EXOC6: variants seen among roughly 807,000 people sequenced by gnomAD.
EXOC6 encodes the protein exocyst complex component 6.
Under a neutral mutation model 112.5 loss-of-function variants are expected in EXOC6, and 60 were observed. That is an observed-to-expected ratio of 0.53 (90% CI 0.43 to 0.66). The LOEUF (loss-of-function observed/expected upper bound fraction) is 0.66, where lower values mean the gene tolerates loss of function less well. EXOC6 is among the 30% of genes least tolerant of loss of function. The pLI is 0.00. For synonymous variants in EXOC6, 295 were observed against 308.0 expected (o/e 0.96, Z 0.44); for missense variants, 855 against 957.1 (o/e 0.89, Z 1.41).
intron 19 of EXOC6, among the ~76,000 whole-genome samples, chr10:93,013,279 GA>G (rs992418505): frequency 3.6e-4 from 55 of 151,962 alleles, no homozygotes; most frequent in African/African-American, 1.3e-3. Context: ...TTCTCGTTGA[GA>G]TTTTTTTTTA....
At chr10:92,950,135 ATAGT>A (rs1412075818) in intron 14 of EXOC6, among the ~76,000 whole-genome samples, 6 of 152,246 alleles carry the variant, frequency 3.9e-5, no homozygotes, top group Non-Finnish European at 5.9e-5. Context: ...AGAACTGTTA[ATAGT>A]TAAAGTCACA....
At chr10:93,018,902 C>T (rs539890569) in intron 20 of EXOC6, among the ~76,000 whole-genome samples, 2 of 151,812 alleles carry the variant, frequency 1.3e-5, no homozygotes, top group Non-Finnish European at 2.9e-5. Context: ...CTCTTACATA[C>T]AGGTGTCTGG....
At chr10:93,013,731 G>C (rs1844366544) in intron 19 of EXOC6, among the ~76,000 whole-genome samples, 1 of 152,172 alleles carries the variant, frequency 6.6e-6, no homozygotes, top group Admixed American at 6.5e-5. Context: ...TTCTTACCTT[G>C]GTGTCTGCCT....
At chr10:92,895,410 T>C (rs1849694419) in intron 4 of EXOC6, among the ~76,000 whole-genome samples, 1 of 152,210 alleles carries the variant, frequency 6.6e-6, no homozygotes, top group African/African-American at 2.4e-5. Context: ...CCATTGTTTT[T>C]TGTTTGTCAC....
intron 8 of EXOC6, among the ~76,000 whole-genome samples, chr10:92,926,923 A>G (rs1194635485): frequency 6.6e-6 from 1 of 152,090 alleles, no homozygotes; most frequent in Non-Finnish European, 1.5e-5. Context: ...TAAATGCATT[A>G]TATCCTCTAC....
chr10:92,939,694 C>T (rs985870311), intron 12 of EXOC6, among the ~76,000 whole-genome samples: 3 of 151,772 alleles, frequency 2.0e-5, no homozygotes, highest in Non-Finnish European at 4.4e-5. Flanking sequence ...ATTGCCCTAG[C>T]GAGCTAGAAG....
At chr10:92,956,460 C>T (rs75491459) in intron 17 of EXOC6, among the ~76,000 whole-genome samples, 127 of 152,150 alleles carry the variant, frequency 8.3e-4, no homozygotes, top group African/African-American at 3.0e-3. Flanking sequence ...TTATCAATCA[C>T]CCCCAAGATT....
intron 20 of EXOC6, among the ~76,000 whole-genome samples, chr10:93,034,393 C>G (rs1374475572): frequency 1.3e-5 from 2 of 152,138 alleles, no homozygotes; most frequent in Non-Finnish European, 2.9e-5. Flanking sequence ...TTTCTTTTAT[C>G]CTTTTATACA....
chr10:93,013,311 T>TA (rs61398247), intron 19 of EXOC6, among the ~76,000 whole-genome samples: 7,261 of 152,010 alleles, frequency 0.048, 445 homozygotes, highest in African/African-American at 0.14. Flanking sequence ...GAATCCTTTC[T>TA]AAAAAAATCA....
intron 5 of EXOC6, among the ~76,000 whole-genome samples, chr10:92,907,194 G>A (rs1305839578): frequency 6.6e-6 from 1 of 152,130 alleles, no homozygotes; most frequent in Non-Finnish European, 1.5e-5. Context: ...TAGGGAAAGG[G>A]AAATGAGACA....
chr10:93,010,900 C>T (rs1234013554), intron 19 of EXOC6, among the ~76,000 whole-genome samples: 2 of 151,858 alleles, frequency 1.3e-5, no homozygotes, highest in Non-Finnish European at 2.9e-5. Flanking sequence ...GTATAAAGTG[C>T]TATATAAATT....
rs143701958 is a variant in EXOC6, at chr10:92,933,332, A to G, written c.973-812A>G. 4.6e-5 allele frequency among the ~76,000 whole-genome samples: 7 copies of G among 152,326 alleles called. No homozygotes were observed. The East Asian group carries it at 1.3e-3, about 29-fold the overall frequency. On this transcript the variant is annotated intron_variant, in intron 9 of 21. Transcript: ENST00000260762. ...TAATAGGCTTCATCTAATGGAATAT[A>G]TAGAATCCTATTTCAACAACTGTAG...
chr10:92,904,832 A>G (rs894149118), intron 5 of EXOC6, among the ~76,000 whole-genome samples: 3 of 151,968 alleles, frequency 2.0e-5, no homozygotes, highest in Non-Finnish European at 4.4e-5. Flanking sequence ...TCTTTCCCTC[A>G]TGCATTGTGC....
At chr10:92,895,225 A>G (rs751354520) in intron 4 of EXOC6, among the ~76,000 whole-genome samples, 1 of 152,196 alleles carries the variant, frequency 6.6e-6, no homozygotes, top group Non-Finnish European at 1.5e-5. Context: ...ATTATATGTC[A>G]CATCAGTTTC....
At chr10:93,039,876 A>G (rs895670005) in intron 20 of EXOC6, among the ~76,000 whole-genome samples, 2 of 152,106 alleles carry the variant, frequency 1.3e-5, no homozygotes, top group Non-Finnish European at 2.9e-5. Flanking sequence ...CCTCCTTTTC[A>G]TAGAATTCGG....
chr10:93,047,030 A>C (rs1213297854), intron 20 of EXOC6, among the ~76,000 whole-genome samples: 3 of 152,202 alleles, frequency 2.0e-5, no homozygotes, highest in Non-Finnish European at 4.4e-5. Flanking sequence ...ACTTGAATTT[A>C]TCTTGTAGGA....
chr10:92,964,137 G>A (rs1027799966), intron 17 of EXOC6, among the ~76,000 whole-genome samples: 7 of 151,432 alleles, frequency 4.6e-5, no homozygotes, highest in Admixed American at 4.6e-4. Context: ...TGATTTTTAA[G>A]TACTAAATGT....
At chr10:92,870,734 G>A (rs193122765) in intron 1 of EXOC6, among the ~76,000 whole-genome samples, 1 of 150,152 alleles carries the variant, frequency 6.7e-6, no homozygotes, top group East Asian at 1.9e-4. Context: ...TTTTGAGATG[G>A]AGTCTCGCTC....
intron 20 of EXOC6, among the ~76,000 whole-genome samples, chr10:93,029,262 C>G (rs1185705671): frequency 6.6e-6 from 1 of 152,148 alleles, no homozygotes; most frequent in African/African-American, 2.4e-5. Context: ...GTAAACATAA[C>G]TTTCATTTAC....
Sources: gnomAD v4.1 joint callset for allele counts (sites outside exome capture counted in the v4.1 genomes callset) on GRCh38, gnomAD v4.1.1 for gene constraint, MANE v1.5 for transcripts, NCBI Gene and HGNC (gene_info 2026-07-23, HGNC 2026-07-21) for gene names.